NRG3: variants seen among roughly 807,000 people sequenced by gnomAD.
NRG3 encodes pro-neuregulin-3, membrane-bound isoform.
Under a neutral mutation model 66.9 loss-of-function variants are expected in NRG3, and 31 were observed. That is an observed-to-expected ratio of 0.46 (90% CI 0.35 to 0.63). The LOEUF (loss-of-function observed/expected upper bound fraction) is 0.63. NRG3 is among the 20% of genes least tolerant of loss of function. NRG3 has a pLI of 0.00. For synonymous variants in NRG3, 393 were observed against 359.4 expected (o/e 1.09, Z -1.06); for missense variants, 910 against 878.9 (o/e 1.04, Z -0.45).
intron 1 of NRG3, among the ~76,000 whole-genome samples, chr10:82,152,346 C>T (rs1247145260): frequency 6.6e-6 from 1 of 152,132 alleles, no homozygotes; most frequent in East Asian, 1.9e-4. Flanking sequence ...ATTTAATTGA[C>T]CTATCCATAT....
At chr10:82,795,649 A>G (rs1274456493) in intron 3 of NRG3, among the ~76,000 whole-genome samples, 1 of 152,220 alleles carries the variant, frequency 6.6e-6, no homozygotes, top group Non-Finnish European at 1.5e-5. Flanking sequence ...GGGTTTTGAA[A>G]GGTGAAAAGT....
intron 4 of NRG3, among the ~76,000 whole-genome samples, chr10:82,869,912 T>A (rs1400741581): frequency 2.0e-5 from 3 of 151,390 alleles, no homozygotes; most frequent in Non-Finnish European, 4.4e-5. Context: ...CTGGCCCCAC[T>A]GGTCTTTTTA....
intron 1 of NRG3, among the ~76,000 whole-genome samples, chr10:82,236,587 C>A (rs1299424151): frequency 6.6e-6 from 1 of 152,122 alleles, no homozygotes; most frequent in Non-Finnish European, 1.5e-5. Flanking sequence ...TTTACTCAGT[C>A]CACTTCTCAC....
chr10:81,905,168 C>T (rs1320272634), intron 1 of NRG3, among the ~76,000 whole-genome samples: 1 of 152,186 alleles, frequency 6.6e-6, no homozygotes, highest in Non-Finnish European at 1.5e-5. Flanking sequence ...TCCACATTTG[C>T]CTTAAGTGAT....
At chr10:82,950,029 C>G (rs998345377) in intron 4 of NRG3, among the ~76,000 whole-genome samples, 2 of 152,070 alleles carry the variant, frequency 1.3e-5, no homozygotes, top group African/African-American at 4.8e-5. Flanking sequence ...GTTTCTCAGA[C>G]CAGTAGCATC....
At chr10:82,151,301 T>A (rs1344141133) in intron 1 of NRG3, among the ~76,000 whole-genome samples, 1 of 152,230 alleles carries the variant, frequency 6.6e-6, no homozygotes, top group Non-Finnish European at 1.5e-5. Flanking sequence ...TTTGGGATGG[T>A]CTTCAGGTGG....
chr10:82,395,404 A>G (rs1227629008), intron 2 of NRG3, among the ~76,000 whole-genome samples: 3 of 152,200 alleles, frequency 2.0e-5, no homozygotes, highest in Non-Finnish European at 4.4e-5. Flanking sequence ...TCAGGGCAGG[A>G]TTCTGCTCAC....
At chr10:82,792,642 A>G (rs973332558) in intron 3 of NRG3, among the ~76,000 whole-genome samples, 2 of 151,930 alleles carry the variant, frequency 1.3e-5, no homozygotes, top group African/African-American at 4.8e-5. Flanking sequence ...AATTTTTAGG[A>G]TGATTTAATT....
intron 2 of NRG3, among the ~76,000 whole-genome samples, chr10:82,415,708 T>A (rs1309993682): frequency 6.6e-6 from 1 of 152,178 alleles, no homozygotes; most frequent in African/African-American, 2.4e-5. Flanking sequence ...GTTTTCGTTC[T>A]GTGACAAAGT....
chr10:82,978,488 T>G (rs1852515802), intron 7 of NRG3, among the ~76,000 whole-genome samples: 1 of 152,210 alleles, frequency 6.6e-6, no homozygotes, highest in African/African-American at 2.4e-5. Context: ...AGTTGTTAAT[T>G]TTATCGCTAA....
intron 2 of NRG3, among the ~76,000 whole-genome samples, chr10:82,584,750 C>A (rs147838222): frequency 8.5e-4 from 129 of 152,220 alleles, no homozygotes; most frequent in African/African-American, 3.0e-3. Context: ...AATGAGAATG[C>A]AGATATAAGC....
At chr10:82,140,687 A>G (rs927614030) in intron 1 of NRG3, among the ~76,000 whole-genome samples, 2 of 152,080 alleles carry the variant, frequency 1.3e-5, no homozygotes, top group African/African-American at 4.8e-5. Context: ...AACTCTGATT[A>G]CTATTTCACT....
intron 2 of NRG3, among the ~76,000 whole-genome samples, chr10:82,676,812 G>A (rs1442209678): frequency 3.3e-5 from 5 of 151,892 alleles, no homozygotes; most frequent in African/African-American, 1.2e-4. Flanking sequence ...AGAGGACTCT[G>A]AATTTTGATT....
At chr10:82,461,942 C>G (rs2091534759) in intron 2 of NRG3, among the ~76,000 whole-genome samples, 1 of 152,012 alleles carries the variant, frequency 6.6e-6, no homozygotes, top group Admixed American at 6.6e-5. Context: ...ACCAGCCTGG[C>G]CAACATGGAG....
chr10:82,281,531 A>G (rs1368019409), intron 1 of NRG3, among the ~76,000 whole-genome samples: 7 of 152,126 alleles, frequency 4.6e-5, no homozygotes, highest in Middle Eastern at 3.4e-3. Flanking sequence ...GAATGTGGGG[A>G]TGGGGTGGAA....
intron 3 of NRG3, among the ~76,000 whole-genome samples, chr10:82,765,762 A>C (rs188532341): frequency 1.3e-5 from 2 of 152,254 alleles, no homozygotes; most frequent in African/African-American, 4.8e-5. Context: ...ATAACTATTT[A>C]CTTTCTTGTA....
chr10:81,979,523 T>C (rs2060256211), intron 1 of NRG3, among the ~76,000 whole-genome samples: 1 of 152,216 alleles, frequency 6.6e-6, no homozygotes, highest in African/African-American at 2.4e-5. Flanking sequence ...AGTTTTCTTT[T>C]TGTTTAGATT....
chr10:82,553,034 A>AACAC (rs142641494), intron 2 of NRG3, among the ~76,000 whole-genome samples: 2,409 of 146,638 alleles, frequency 0.016, 24 homozygotes, highest in Middle Eastern at 0.066. Flanking sequence ...ATCACACACA[A>AACAC]ACACACACAC....
Position 82,245,986 on chromosome 10 carries a change from T to TTG in NRG3, c.824-112752_824-112751insGT, listed in dbSNP as rs1403254085. Reference sequence around the variant, plus strand: ...TTTTTCCCAGTCTTCTGGTTTTTTTTTTTTTTTTTTTTTTTAACTCAACAT... The same window carrying TTG: ...TTTTTCCCAGTCTTCTGGTTTTTTTTTGTTTTTTTTTTTTTTTAACTCAACAT... On this transcript the variant is annotated intron_variant, in intron 1 of 8. Transcript: ENST00000372141. 1.1e-3 allele frequency among the ~76,000 whole-genome samples: 165 copies of TTG among 147,300 alleles called. 1 individual carries two copies. The highest frequency in any genetic ancestry group is 3.9e-3 in the African/African-American group (152 of 39,040).
Sources: gnomAD v4.1 joint callset for allele counts (sites outside exome capture counted in the v4.1 genomes callset) on GRCh38, gnomAD v4.1.1 for gene constraint, MANE v1.5 for transcripts, NCBI Gene and HGNC (gene_info 2026-07-23, HGNC 2026-07-21) for gene names.